The following MUC6 variants were observed in gnomAD, a reference collection of about 807,000 sequenced individuals.
MUC6 encodes the protein mucin 6, oligomeric mucus/gel-forming (gene/pseudogene).
A neutral mutation model predicts 201.5 loss-of-function variants in MUC6; 188 were observed. The ratio of observed to expected loss-of-function variants is 0.93; its 90% CI spans 0.83 to 1.05. The LOEUF is 1.05. Ranked by LOEUF, MUC6 falls within the 50% of genes least tolerant of loss-of-function variation. MUC6 has a pLI of 0.00. For missense variants in MUC6, 2,706 were observed against 3,256.9 expected, an observed-to-expected ratio of 0.83 and a Z score of 4.12; for synonymous variants, 1,228 against 1,389.4, an observed-to-expected ratio of 0.88 and a Z score of 2.58.
rs772370424 is a variant in MUC6 at position 1,026,938 on chromosome 11, T to TA, written c.2394+2dup. On this transcript the variant is annotated splice_region_variant and intron_variant, in intron 19 of 32. Transcript: ENST00000421673. ...TGTCCCTGCTCCTCGCGCGCCCCCT[T>TA]ACGCAGGCAACACCGGTGGCCAGCA... The TA allele has an allele frequency of 1.3e-6, 2 of 1,578,198 alleles. No homozygotes were observed. The highest frequency in any genetic ancestry group is 1.2e-5 in the South Asian group (1 of 86,480).
At chr11:1,023,129 G>C (rs1856859594) in intron 26 of MUC6, among the ~76,000 whole-genome samples, 1 of 150,896 alleles carries the variant, frequency 6.6e-6, no homozygotes, top group Non-Finnish European at 1.5e-5. Context: ...GTGCATGAGT[G>C]TGCGTGAATG....
rs770415722 is a variant in MUC6, at chr11:1,017,065, G to C, written c.5736C>G (p.Ala1912=). Residue 1912 remains alanine, a synonymous_variant, in exon 31 of 33, where the codon GCC becomes GCG. Coordinates refer to ENST00000421673, the MANE Select transcript of MUC6 (RefSeq NM_005961.3). ...GGTAAGGTAGGGATGTAGAAGTTTT[G>C]GCCGTGCTAAATGAGCTTGGGGATT... is the stretch of plus-strand genomic sequence containing the variant. ...TSQSPSSFST[A]KTSTSLPYHT... 1 of 1,613,592 alleles carries C rather than the reference G, an allele frequency of 6.2e-7. No homozygotes were observed. Among genetic ancestry groups the C allele is most frequent in the South Asian group, 1.1e-5 (1 of 91,058 alleles).
In MUC6 at chr11:1,032,057, CAGAG is replaced by C. The variant is rs765976294; in HGVS notation, c.116-8_116-5del. On this transcript the variant is annotated splice_polypyrimidine_tract_variant and splice_region_variant and intron_variant, in intron 2 of 32. Coordinates refer to ENST00000421673, the MANE Select transcript of MUC6 (RefSeq NM_005961.3). ...GAGCACTGGCCTTTGTCCGGGGCTA[CAGAG>C]AGAGCAGTGCTCACACAGCCCTGTG... 1 of 1,612,766 alleles carries C rather than the reference CAGAG, an allele frequency of 6.2e-7. No homozygotes were observed. Among genetic ancestry groups the C allele is most frequent in the Admixed American group, 1.7e-5 (1 of 60,010 alleles).
chr11:1,025,752 G>A, intron 22 of MUC6, 53 bp downstream of exon 22: 1 of 1,491,782 alleles, frequency 6.7e-7, no homozygotes, highest in South Asian at 1.2e-5. Flanking sequence ...CAGCTGTGTG[G>A]CAGGGCCCCC....
At position 1,033,678 on chromosome 11, in the gene MUC6, A is replaced by G. The variant is rs1307524965; in HGVS notation, c.53-603T>C. 1.3e-5 allele frequency among the ~76,000 whole-genome samples: 2 copies of G among 151,852 alleles called. No individual in the cohort carries two copies. Among genetic ancestry groups the G allele is most frequent in the Non-Finnish European group, 2.9e-5 (2 of 67,914 alleles). ...AGTCACGGTGACTCCAGGGCAGGGC[A>G]GCGGGGGACGTCCCACCCTGACTCC... On this transcript the variant is annotated intron_variant, in intron 1 of 32. Transcript: ENST00000421673. The surrounding 1 kb of genome is among the most constrained non-coding windows in gnomAD (Gnocchi z 5.6).
chr11:1,025,991 G>A lies in MUC6; in HGVS notation c.2688+9C>T, dbSNP rs1181708680. Reference sequence around the variant, plus strand: ...CCCCGGCCCCTGCGGCCTGGCACCCGATGGTTACCGTGGCCAGGATGTACT... The same window carrying A: ...CCCCGGCCCCTGCGGCCTGGCACCCAATGGTTACCGTGGCCAGGATGTACT... On this transcript the variant is annotated intron_variant, in intron 21 of 32. Transcript: ENST00000421673. The A allele has an allele frequency of 6.3e-7, 1 of 1,586,728 alleles. No individual in the cohort carries two copies. The highest frequency in any genetic ancestry group is 1.1e-5 in the South Asian group (1 of 87,488).
In MUC6 at chr11:1,031,108, C is replaced by T. The variant is rs928944608; in HGVS notation, c.575-52G>A. 302 of 1,431,204 alleles carry T rather than the reference C, an allele frequency of 2.1e-4. 1 individual carries two copies. The Middle Eastern group carries it at 3.9e-3, about 19-fold the overall frequency. 88.7% of individuals were successfully genotyped at this position (1,431,204 alleles called of 1,614,324 possible). On this transcript the variant is annotated intron_variant, in intron 5 of 32. Coordinates refer to ENST00000421673, the MANE Select transcript of MUC6 (RefSeq NM_005961.3). ...CGTGGGGGCTGGGCCTCAGAGGCCC[C>T]CCTGCCCTGCCCCCCACCTAGAGGC...
At position 1,013,938 on chromosome 11, in the gene MUC6, G is replaced by C; in HGVS notation, c.7103C>G (p.Thr2368Arg). The change falls in exon 32 of 33, where the codon ACG becomes AGG. Residue 2368 changes from threonine to arginine, a missense_variant. Physicochemically the swap from Thr to Arg is moderately conservative, Grantham distance 71. Transcript: ENST00000421673. ...ITFKGCMANV[T>R]VTRCEGACIS... is the part of the protein sequence containing the mutation. ...GCAGGCGCCCTCACAGCGGGTTACCGTCACGTTCGCCATGCACCCCTTGAA... is the reference window on the plus strand; with the variant it reads ...GCAGGCGCCCTCACAGCGGGTTACCCTCACGTTCGCCATGCACCCCTTGAA... 9 of 1,608,540 alleles carry C rather than the reference G, an allele frequency of 5.6e-6. No homozygotes were observed. The highest frequency in any genetic ancestry group is 7.6e-6 in the Non-Finnish European group (9 of 1,178,158).
At position 1,029,262 on chromosome 11, in the gene MUC6, C is replaced by T. The variant is rs373965587; in HGVS notation, c.1241G>A (p.Arg414His). ...GATGTAGGTGCAGGTGCCGTGGAAG[C>T]GGTAGGGCCTGGCGTCAAATGTGGT... ...FVTTFDARPY[R>H]FHGTCTYILL... is the part of the protein sequence containing the mutation. The change falls in exon 10 of 33, where the codon CGC (arginine) becomes CAC (histidine). Residue 414 changes from arginine to histidine, a missense_variant. Transcript: ENST00000421673. 230 of 1,607,488 alleles carry T rather than the reference C, an allele frequency of 1.4e-4. No homozygotes were observed. The highest frequency in any genetic ancestry group is 8.3e-4 in the Middle Eastern group (5 of 6,028).
rs748300097 is a variant in MUC6 at position 1,028,902 on chromosome 11, C to A, written c.1440G>T (p.Leu480=). 6.2e-7 allele frequency: 1 copy of A among 1,612,704 alleles called. No individual in the cohort carries two copies. Among genetic ancestry groups the A allele is most frequent in the Non-Finnish European group, 8.5e-7 (1 of 1,179,894 alleles). Reference sequence around the variant, plus strand: ...GCCAGGACGTACGAGTCTTGTATGGCAGCCACTTGGCTTCTCCGTTGTTGG... The same window carrying A: ...GCCAGGACGTACGAGTCTTGTATGGAAGCCACTTGGCTTCTCCGTTGTTGG... ...VVTNNGEAKW[L]PYKTRNITVF... Residue 480 remains leucine (L), a synonymous_variant, in exon 12 of 33, where the codon CTG becomes CTT. Coordinates refer to ENST00000421673, the MANE Select transcript of MUC6 (RefSeq NM_005961.3).
chr11:1,031,339 T>G, intron 4 of MUC6, 80 bp from the exon 5 acceptor site: 1 of 1,350,094 alleles, frequency 7.4e-7, no homozygotes, highest in Non-Finnish European at 1.0e-6. Context: ...TTCCTGCTCC[T>G]GGACCCAGAG....
At chr11:1,021,368 CTTTT>C (rs541461716) in intron 26 of MUC6, 91 bp from the exon 27 acceptor site, 1,563 of 444,846 alleles carry the variant, frequency 3.5e-3, no homozygotes, top group South Asian at 7.4e-3. Context: ...TTCCTCTCTG[CTTTT>C]TTTTTTTTTT....
rs758795132 is a variant in MUC6, at chr11:1,025,060, G to A, written c.3009C>T (p.Gly1003=). 6 of 1,612,698 alleles carry A rather than the reference G, an allele frequency of 3.7e-6. No homozygotes were observed. The highest frequency in any genetic ancestry group is 5.1e-6 in the Non-Finnish European group (6 of 1,179,806). Residue 1003 remains glycine (G), a synonymous_variant, in exon 24 of 33, where the codon GGC becomes GGT. Transcript: ENST00000421673. The part of the protein sequence containing the change: ...ASQDPLCGLC[G]NFNGNMKDDF... ...CGTCCTTCATGTTCCCGTTGAAGTT[G>A]CCACACAAGCCGCAGAGGGGATCCT...
intron 4 of MUC6, 68 bp from the exon 5 acceptor site, chr11:1,031,327 A>G: frequency 7.0e-7 from 1 of 1,421,598 alleles, no homozygotes; most frequent in Non-Finnish European, 9.5e-7. Context: ...GAGGGCTCTC[A>G]GTTCCTGCTC....
At chr11:1,028,613 G>T in intron 13 of MUC6, 33 bp downstream of exon 13, 6 of 1,598,268 alleles carry the variant, frequency 3.8e-6, no homozygotes, top group Non-Finnish European at 5.1e-6. Flanking sequence ...TAGGGATGAG[G>T]CAACAGGGCC....
rs1463998918 is a variant in MUC6, at chr11:1,018,276, TC to T, written c.4524del (p.Thr1509ProfsTer83). On this transcript the variant is annotated frameshift_variant, in exon 31 of 33. Transcript: ENST00000421673. LOFTEE classifies it high-confidence loss of function. ...CTGAATGAGCTGTGGGCTTGGCTGG[TC>T]CCACTGGTGGTCGGCGTTATTGGTG... ...TAPPITPTTS[G>X]TSQAHSSFST... The T allele has an allele frequency of 4.3e-6, 7 of 1,613,864 alleles. No individual in the cohort carries two copies. Among genetic ancestry groups the T allele is most frequent in the African/African-American group, 1.3e-5 (1 of 74,944 alleles).
In MUC6 at chr11:1,031,979, A is replaced by G; in HGVS notation, c.190T>C (p.Ser64Pro). 1 of 1,613,550 alleles carries G rather than the reference A, an allele frequency of 6.2e-7. No homozygotes were observed. Among genetic ancestry groups the G allele is most frequent in the Non-Finnish European group, 8.5e-7 (1 of 1,179,850 alleles). ...STFDHHVYDF[S>P]GTCNYIFAAT... ...GCGAAGATGTAGTTGCACGTCCCCGAGAAGTCGTACACGTGGTGGTCGAAG... is the reference window on the plus strand; with the variant it reads ...GCGAAGATGTAGTTGCACGTCCCCGGGAAGTCGTACACGTGGTGGTCGAAG... The change falls in exon 3 of 33, where the codon TCG (serine) becomes CCG (proline). Residue 64 changes from serine to proline, a missense_variant. Ser to Pro is a moderately conservative substitution (Grantham distance 74, BLOSUM62 -1). Transcript: ENST00000421673.
In MUC6 at chr11:1,021,825, C is replaced by T. The variant is rs1356863106; in HGVS notation, c.3527-548G>A. Among the ~76,000 whole-genome samples the T allele has an allele frequency of 5.9e-5, 9 of 152,072 alleles. No individual in the cohort carries two copies. The East Asian group carries it at 1.7e-3, about 29-fold the overall frequency. On this transcript the variant is annotated intron_variant, in intron 26 of 32. Coordinates refer to ENST00000421673, the MANE Select transcript of MUC6 (RefSeq NM_005961.3). ...TTCTGTGCTCCCCGATGCAGGTGCC[C>T]TGCATTGCCCTCCTGAGCCCCAACA...
In MUC6 at chr11:1,036,689, G is replaced by A. The variant is rs1042844161; in HGVS notation, c.-34C>T. On this transcript the variant is annotated 5_prime_UTR_variant, in exon 1 of 33. Coordinates refer to ENST00000421673, the MANE Select transcript of MUC6 (RefSeq NM_005961.3). Reference sequence around the variant, plus strand: ...GTGGAGAGGAGCTCGCGCTGGGCCCGGCAGGCCTGCTGCTGCCATCCATGC... The same window carrying A: ...GTGGAGAGGAGCTCGCGCTGGGCCCAGCAGGCCTGCTGCTGCCATCCATGC... 15 of 1,541,192 alleles carry A rather than the reference G, an allele frequency of 9.7e-6. No individual in the cohort carries two copies. The highest frequency in any genetic ancestry group is 5.5e-5 in the African/African-American group (4 of 72,850).
Sources: gnomAD v4.1 joint callset for allele counts (sites outside exome capture counted in the v4.1 genomes callset) on GRCh38, gnomAD v4.1.1 for gene constraint, Gnocchi (gnomAD v3.1) non-coding constraint, MANE v1.5 for transcripts, NCBI Gene and HGNC (gene_info 2026-07-23, HGNC 2026-07-21) for gene names.